The following CNTROB variants were observed in gnomAD, a reference collection of about 807,000 sequenced individuals.
CNTROB encodes the protein centrobin.
Under a neutral mutation model 115.7 loss-of-function variants are expected in CNTROB, and 82 were observed. The observed-to-expected ratio is 0.71, with a 90% CI of 0.59 to 0.85. The LOEUF (loss-of-function observed/expected upper bound fraction) is 0.85. Among genes scored for constraint, CNTROB ranks in the 40% least tolerant of loss-of-function variants. The probability of loss-of-function intolerance (pLI) is 0.00; values close to 1 mark genes in which losing one functional copy is unlikely to be tolerated. For missense variants in CNTROB, 1,014 were observed against 1,144.4 expected, an observed-to-expected ratio of 0.89 and a Z score of 1.64; for synonymous variants, 439 against 456.4, an observed-to-expected ratio of 0.96 and a Z score of 0.49.
chr17:7,947,506 T>C, intron 13 of CNTROB, 65 bp from the exon 14 acceptor site: 4 of 1,460,146 alleles, frequency 2.7e-6, no homozygotes, highest in Non-Finnish European at 3.7e-6. Flanking sequence ...GGTGAGTTGA[T>C]TTGTGGAGAA....
Position 7,943,546 on chromosome 17 carries a change from T to C in CNTROB, c.1445+22T>C. The C allele has an allele frequency of 6.2e-7, 1 of 1,600,872 alleles. No homozygotes were observed. Among genetic ancestry groups the C allele is most frequent in the Non-Finnish European group, 8.5e-7 (1 of 1,171,090 alleles). ...ACAGGTACGTGGGACTCACTGGGTG[T>C]CACTTCTCTCAGCCACAGCACGTAT... is the stretch of plus-strand genomic sequence containing the variant. On this transcript the variant is annotated intron_variant, in intron 10 of 18. Transcript: ENST00000563694. This position sits in a 1 kb window ranked among gnomAD's most constrained non-coding sequence, Gnocchi z 4.7.
At chr17:7,940,921 C>G (rs971019077) in intron 9 of CNTROB, among the ~76,000 whole-genome samples, 12 of 152,200 alleles carry the variant, frequency 7.9e-5, no homozygotes, top group African/African-American at 2.4e-4. Context: ...CTACCCAACT[C>G]TGCTGTTATA....
At chr17:7,934,343 C>CAAAGAACGGGAGACTTTTCTCCT in intron 2 of CNTROB, 121 bp downstream of exon 2, 1 of 1,338,614 alleles carries the variant, frequency 7.5e-7, no homozygotes, top group Non-Finnish European at 1.1e-6. Flanking sequence ...AAAAGTCTCC[C>CAAAGAACGGGAGACTTTTCTCCT]GTTCTTTGGG....
intron 13 of CNTROB, among the ~76,000 whole-genome samples, chr17:7,947,119 C>T (rs7210366): frequency 0.076 from 11,461 of 151,032 alleles, 525 homozygotes; most frequent in Non-Finnish European, 0.1. Flanking sequence ...CGAGATCGCG[C>T]CGCTGCACTT....
intron 8 of CNTROB, 52 bp from the exon 9 acceptor site, chr17:7,940,044 A>T: frequency 6.6e-7 from 1 of 1,521,786 alleles, no homozygotes; most frequent in Non-Finnish European, 8.8e-7. Flanking sequence ...AGTGTAGGTA[A>T]CCAGGAGATA....
Position 7,935,053 on chromosome 17 carries a change from C to G in CNTROB, c.502C>G (p.Arg168Gly), listed in dbSNP as rs144838552. 1 of 1,614,150 alleles carries G rather than the reference C, an allele frequency of 6.2e-7. No homozygotes were observed. Among genetic ancestry groups the G allele is most frequent in the Non-Finnish European group, 8.5e-7 (1 of 1,180,018 alleles). ...SAQALEELFP[R>G]YTSLRPGPPL... Reference sequence around the variant, plus strand: ...CCAAGCCCTGGAGGAGCTGTTTCCCCGCTACACCAGCCTTCGGCCAGGGCC... The same window carrying G: ...CCAAGCCCTGGAGGAGCTGTTTCCCGGCTACACCAGCCTTCGGCCAGGGCC... Residue 168 changes from arginine (R) to glycine (G), a missense_variant, in exon 4 of 19, where the codon CGC becomes GGC. Arg to Gly is a moderately radical substitution (Grantham distance 125). Transcript: ENST00000563694.
At chr17:7,936,266 C>T (rs1232682469) in intron 4 of CNTROB, 100 bp from the exon 5 acceptor site, 1 of 748,766 alleles carries the variant, frequency 1.3e-6, no homozygotes, top group South Asian at 1.4e-5. Context: ...ACCCAAGCTT[C>T]TTGGCTCCAG....
chr17:7,939,660 C>A lies in CNTROB; in HGVS notation c.1075C>A (p.Arg359=). ...ETLRAALEEE[R]QTWAQQEHQL... ...TCTTCGGGCTGCCCTAGAAGAAGAACGGCAGACCTGGGCCCAGCAAGAGCA... is the reference window on the plus strand; with the variant it reads ...TCTTCGGGCTGCCCTAGAAGAAGAAAGGCAGACCTGGGCCCAGCAAGAGCA... Residue 359 remains arginine (R), a synonymous_variant, in exon 8 of 19, where the codon CGG becomes AGG. Transcript: ENST00000563694. This position sits in a 1 kb window ranked among gnomAD's most constrained non-coding sequence, Gnocchi z 4.4. 1 of 1,614,060 alleles carries A rather than the reference C, an allele frequency of 6.2e-7. No homozygotes were observed. Among genetic ancestry groups the A allele is most frequent in the South Asian group, 1.1e-5 (1 of 91,088 alleles).
intron 3 of CNTROB, 123 bp from the exon 4 acceptor site, chr17:7,934,866 C>T (rs1279170332): frequency 1.1e-5 from 12 of 1,113,620 alleles, no homozygotes; most frequent in South Asian, 3.3e-5. Flanking sequence ...TATAGCTTTA[C>T]GACTTTGGAC....
Position 7,934,220 on chromosome 17 carries a change from A to G in CNTROB, c.353A>G (p.Tyr118Cys). Reference sequence around the variant, plus strand: ...CTCCAAACCTCACGTGATACAGCCTATCGTGAGTAAGCCCCTTCCCTAGAA... The same window carrying G: ...CTCCAAACCTCACGTGATACAGCCTGTCGTGAGTAAGCCCCTTCCCTAGAA... ...TMLQTSRDTA[Y>C]RDPLIPGAGS... is the part of the protein sequence containing the mutation. The change falls in exon 2 of 19, where the codon TAT becomes TGT. Residue 118 changes from tyrosine (Y) to cysteine (C), a missense_variant and splice_region_variant. Transcript: ENST00000563694. 6.2e-7 allele frequency: 1 copy of G among 1,613,128 alleles called. No homozygotes were observed. Among genetic ancestry groups the G allele is most frequent in the Non-Finnish European group, 8.5e-7 (1 of 1,179,076 alleles).
rs752376426 is a variant in CNTROB, at chr17:7,933,184, C to T, written c.105C>T (p.Thr35=). 1 of 1,614,244 alleles carries T rather than the reference C, an allele frequency of 6.2e-7. No homozygotes were observed. The highest frequency in any genetic ancestry group is 8.5e-7 in the Non-Finnish European group (1 of 1,180,046). ...PGLNQVSSEV[T]SQLYASLRLS... ...TCAACCAAGTGTCGTCTGAAGTGAC[C>T]TCCCAGCTCTATGCTTCTTTGCGCC... Residue 35 remains threonine, a synonymous_variant, in exon 1 of 19, where the codon ACC becomes ACT. Transcript: ENST00000563694.
Position 7,948,332 on chromosome 17 carries a change from G to A in CNTROB, c.2380+5G>A, listed in dbSNP as rs199949050. The A allele has an allele frequency of 3.1e-6, 5 of 1,614,034 alleles. No individual in the cohort carries two copies. Among genetic ancestry groups the A allele is most frequent in the Admixed American group, 1.7e-5 (1 of 60,016 alleles). ...GCAGTGGTTCCCCAGAGAGAGGTGA[G>A]CATGTTCTGGTTTATTAGGGAAAAA... On this transcript the variant is annotated splice_donor_5th_base_variant and intron_variant, in intron 16 of 18. Coordinates refer to ENST00000563694, the MANE Select transcript of CNTROB (RefSeq NM_053051.5). The surrounding 1 kb of genome is among the most constrained non-coding windows in gnomAD (Gnocchi z 4.4).
chr17:7,948,725 G>T lies in CNTROB; in HGVS notation c.2513+106G>T. ...GAATTGAATCGTTGTCCTTTTCTGG[G>T]GAGGAAAGTGAAGGATGAGAGGTGG... On this transcript the variant is annotated intron_variant, in intron 17 of 18. Transcript: ENST00000563694. The surrounding 1 kb of genome is among the most constrained non-coding windows in gnomAD (Gnocchi z 4.4). The T allele has an allele frequency of 6.2e-7, 1 of 1,609,386 alleles. No homozygotes were observed. Among genetic ancestry groups the T allele is most frequent in the Non-Finnish European group, 8.5e-7 (1 of 1,176,388 alleles).
At chr17:7,947,236 T>C (rs1974655777) in intron 13 of CNTROB, among the ~76,000 whole-genome samples, 1 of 152,076 alleles carries the variant, frequency 6.6e-6, no homozygotes, top group South Asian at 2.1e-4. Flanking sequence ...AATAAAAGAA[T>C]GAGGCATATT....
Position 7,943,247 on chromosome 17 carries a change from C to A in CNTROB, c.1312-144C>A, listed in dbSNP as rs754523561. On this transcript the variant is annotated intron_variant, in intron 9 of 18. Coordinates refer to ENST00000563694, the MANE Select transcript of CNTROB (RefSeq NM_053051.5). The surrounding 1 kb of genome is among the most constrained non-coding windows in gnomAD (Gnocchi z 4.7). ...CGAATATCTTAATAAGGAAAGGGAA[C>A]CTCTTTCACTCCTTGAGGCAAAATT... 4 of 563,826 alleles carry A rather than the reference C, an allele frequency of 7.1e-6. No homozygotes were observed. Among genetic ancestry groups the A allele is most frequent in the Non-Finnish European group, 9.6e-6 (3 of 312,926 alleles). 34.9% of individuals were successfully genotyped at this position (563,826 alleles called of 1,614,324 possible).
intron 4 of CNTROB, 141 bp downstream of exon 4, chr17:7,935,286 G>A (rs200748507): frequency 7.9e-6 from 10 of 1,272,112 alleles, no homozygotes; most frequent in African/African-American, 1.5e-5. Context: ...GGCGGATCAC[G>A]AGGTCAGGAG....
At chr17:7,949,188 GA>G in intron 18 of CNTROB, 31 bp downstream of exon 18, 1 of 1,606,496 alleles carries the variant, frequency 6.2e-7, no homozygotes, top group Non-Finnish European at 8.5e-7. Flanking sequence ...GACCAGGGGA[GA>G]AAAGGGCTCT....
chr17:7,949,535 G>T lies in CNTROB; in HGVS notation c.*25G>T, dbSNP rs773759561. On this transcript the variant is annotated 3_prime_UTR_variant, in exon 19 of 19. Coordinates refer to ENST00000563694, the MANE Select transcript of CNTROB (RefSeq NM_053051.5). ...AGCCCCCCTACCCTCTCTCCTCTTT[G>T]TTCTCTCATTGTTGTTATTTTAATA... 19 of 1,581,270 alleles carry T rather than the reference G, an allele frequency of 1.2e-5. No individual in the cohort carries two copies. The highest frequency in any genetic ancestry group is 1.6e-5 in the Non-Finnish European group (19 of 1,165,426).
rs1972681397 is a variant in CNTROB, at chr17:7,932,949, C to T, written c.-131C>T. ...CCAGAAAGCCTCGATATCCTTAATT[C>T]ACCAAGGATCCTTGGCGTGGAGTCT... On this transcript the variant is annotated 5_prime_UTR_variant, in exon 1 of 19. Transcript: ENST00000563694. The T allele has an allele frequency of 9.8e-7, 1 of 1,024,862 alleles. No homozygotes were observed. The highest frequency in any genetic ancestry group is 1.4e-6 in the Non-Finnish European group (1 of 701,414). The allele number at this position is 1,024,862 out of a possible 1,614,324, so 63.5% of individuals were successfully genotyped here. A position where few individuals can be genotyped will look rare whatever the true frequency, so the allele number is the denominator to read the frequency against.
Sources: gnomAD v4.1 joint callset for allele counts (sites outside exome capture counted in the v4.1 genomes callset) on GRCh38, gnomAD v4.1.1 for gene constraint, Gnocchi (gnomAD v3.1) non-coding constraint, MANE v1.5 for transcripts, NCBI Gene and HGNC (gene_info 2026-07-23, HGNC 2026-07-21) for gene names.